The following FGF14 variants were observed in gnomAD, a reference collection of about 807,000 sequenced individuals.
FGF14 encodes the protein fibroblast growth factor 14, also known as fibroblast growth factor homologous factor 4.
In FGF14, 5 loss-of-function variants were observed where a neutral mutation model predicts 25.5. The ratio of observed to expected loss-of-function variants is 0.20; its 90% confidence interval spans 0.10 to 0.41. FGF14 has a LOEUF of 0.41. Ranked by LOEUF, FGF14 falls within the 10% of genes least tolerant of loss-of-function variation. The probability of loss-of-function intolerance (pLI) is 1.00; values close to 1 mark genes in which losing one functional copy is unlikely to be tolerated. For synonymous variants in FGF14, 138 were observed against 118.3 expected, an observed-to-expected ratio of 1.17 and a Z score of -1.08; for missense variants, 222 against 320.1, an observed-to-expected ratio of 0.69 and a Z score of 2.34.
In FGF14 at chr13:102,249,920, G is replaced by GA. The variant is rs558975117; in HGVS notation, c.208+151550dup. Reference sequence around the variant, plus strand: ...ACCAATTACCATGGGCTGGGAGGGAGAAGGACTGGCTATGCTCTCTGACAG... The same window carrying GA: ...ACCAATTACCATGGGCTGGGAGGGAGAAAGGACTGGCTATGCTCTCTGACAG... On this transcript the variant is annotated intron_variant, in intron 1 of 4. Coordinates refer to the FGF14 transcript ENST00000376131. 7.9e-4 allele frequency among the ~76,000 whole-genome samples: 120 copies of GA among 152,290 alleles called. 1 individual carries two copies. In the South Asian group the frequency reaches 0.015, roughly 19 times the overall value.
intron 1 of FGF14, among the ~76,000 whole-genome samples, chr13:102,056,703 A>T (rs892544349): frequency 1.3e-5 from 2 of 151,730 alleles, no homozygotes; most frequent in Non-Finnish European, 2.9e-5. Flanking sequence ...AAAGAACATG[A>T]GAATCAGGAT....
At chr13:101,782,595 G>A (rs1282607627) in intron 3 of FGF14, among the ~76,000 whole-genome samples, 2 of 152,140 alleles carry the variant, frequency 1.3e-5, no homozygotes, top group African/African-American at 2.4e-5. Context: ...GTGTCCATGA[G>A]TTCTCATCAT....
In FGF14 at chr13:101,888,425, TA is replaced by T. The variant is rs2046102161; in HGVS notation, c.194-13130del. Among the ~76,000 whole-genome samples the T allele has an allele frequency of 2.0e-5, 3 of 152,180 alleles. No homozygotes were observed. In the South Asian group the frequency reaches 6.2e-4, roughly 31 times the overall value. On this transcript the variant is annotated intron_variant, in intron 1 of 4. Coordinates refer to ENST00000376143, the MANE Select transcript of FGF14 (RefSeq NM_004115.4). ...GTAGCATTTTCTGTGTGCATATACATACACATAAATATATACATGAATGTGT... is the reference window on the plus strand; with the variant it reads ...GTAGCATTTTCTGTGTGCATATACATCACATAAATATATACATGAATGTGT...
rs186604485 is a variant in FGF14 at position 102,175,868 on chromosome 13, T to C, written c.208+225603A>G. 3.7e-3 allele frequency among the ~76,000 whole-genome samples: 563 copies of C among 152,142 alleles called. 2 individuals carry two copies. The highest frequency in any genetic ancestry group is 6.1e-3 in the Non-Finnish European group (415 of 68,000). On this transcript the variant is annotated intron_variant, in intron 1 of 4. Coordinates refer to the FGF14 transcript ENST00000376131. ...AATGCAAATTAAAACCACAATGAGA[T>C]ACCACCTCACACCAGTCAGAATGGC... is the stretch of plus-strand genomic sequence containing the variant.
chr13:102,359,240 T>C (rs1009848859), intron 1 of FGF14, among the ~76,000 whole-genome samples: 1 of 152,118 alleles, frequency 6.6e-6, no homozygotes, highest in African/African-American at 2.4e-5. Context: ...AGGTGATGGG[T>C]TGATAGATGC....
At chr13:101,766,808 T>C (rs994960566) in intron 3 of FGF14, among the ~76,000 whole-genome samples, 2 of 152,048 alleles carry the variant, frequency 1.3e-5, no homozygotes, top group Non-Finnish European at 2.9e-5. Context: ...GGGGACACCA[T>C]GTGAAGGCAG....
chr13:101,995,128 G>A (rs1050607012), intron 1 of FGF14, among the ~76,000 whole-genome samples: 4 of 152,104 alleles, frequency 2.6e-5, no homozygotes, highest in East Asian at 1.9e-4. Context: ...GTTATCAATC[G>A]TTATATGTAA....
intron 1 of FGF14, among the ~76,000 whole-genome samples, chr13:102,281,110 C>T (rs553171989): frequency 2.0e-5 from 3 of 152,270 alleles, no homozygotes; most frequent in East Asian, 3.9e-4. Context: ...AATATTTTCA[C>T]AAGGCCAAAC....
At chr13:102,249,364 AAAAC>A (rs1379678062) in intron 1 of FGF14, among the ~76,000 whole-genome samples, 3 of 152,208 alleles carry the variant, frequency 2.0e-5, no homozygotes, top group Admixed American at 6.5e-5. Flanking sequence ...AAGTGCTAAA[AAAAC>A]AAACAAACAA....
chr13:101,868,865 G>T (rs767955575), intron 2 of FGF14, 37 bp from the exon 3 acceptor site: 1 of 1,330,448 alleles, frequency 7.5e-7, no homozygotes. Flanking sequence ...GAATGGGCAG[G>T]AAGAAGCAGG....
chr13:102,048,106 A>T (rs2042070194), intron 1 of FGF14, among the ~76,000 whole-genome samples: 1 of 151,982 alleles, frequency 6.6e-6, no homozygotes, highest in Non-Finnish European at 1.5e-5. Context: ...CTATTCCATG[A>T]AACGACTTGC....
chr13:101,800,755 A>G (rs535458983), intron 3 of FGF14, among the ~76,000 whole-genome samples: 102 of 152,296 alleles, frequency 6.7e-4, no homozygotes, highest in African/African-American at 2.3e-3. Flanking sequence ...TGTTCTAGGG[A>G]GTTTTGGATA....
chr13:101,884,131 G>A (rs1182672777), intron 1 of FGF14, among the ~76,000 whole-genome samples: 1 of 144,102 alleles, frequency 6.9e-6, no homozygotes, highest in Non-Finnish European at 1.5e-5. Flanking sequence ...ATGTGTGCAA[G>A]AGCAACACAA....
At chr13:101,892,139 C>A (rs1418890838) in intron 1 of FGF14, among the ~76,000 whole-genome samples, 1 of 152,076 alleles carries the variant, frequency 6.6e-6, no homozygotes, top group East Asian at 1.9e-4. Flanking sequence ...GGGAATTGAA[C>A]ACAACACAAT....
At chr13:101,808,819 AT>A (rs1325282624) in intron 3 of FGF14, among the ~76,000 whole-genome samples, 21 of 152,152 alleles carry the variant, frequency 1.4e-4, no homozygotes, top group Admixed American at 3.9e-4. Context: ...ATATCTGTAA[AT>A]TATGTTACTT....
intron 1 of FGF14, among the ~76,000 whole-genome samples, chr13:101,978,557 A>C (rs1216913376): frequency 6.6e-6 from 1 of 152,240 alleles, no homozygotes; most frequent in Non-Finnish European, 1.5e-5. Flanking sequence ...ACAAAGAGAT[A>C]GCTTTAAATT....
At chr13:101,875,318 C>A (rs754041595) in intron 1 of FGF14, 22 bp from the exon 2 acceptor site, 44 of 1,500,698 alleles carry the variant, frequency 2.9e-5, no homozygotes, top group Non-Finnish European at 3.7e-5. Flanking sequence ...ACATAGTTAT[C>A]ATAAGCCTCA....
chr13:102,353,662 A>G (rs1566957021), intron 1 of FGF14, among the ~76,000 whole-genome samples: 1 of 152,142 alleles, frequency 6.6e-6, no homozygotes. Context: ...ACTTCAATCC[A>G]TCCTCACTTC....
At chr13:102,155,935 T>C (rs940388871) in intron 1 of FGF14, among the ~76,000 whole-genome samples, 2 of 152,120 alleles carry the variant, frequency 1.3e-5, no homozygotes, top group African/African-American at 4.8e-5. Flanking sequence ...CCTCGACACA[T>C]ACACTCTCCC....
Sources: gnomAD v4.1 joint callset for allele counts (sites outside exome capture counted in the v4.1 genomes callset) on GRCh38, gnomAD v4.1.1 for gene constraint, MANE v1.5 for transcripts, NCBI Gene and HGNC (gene_info 2026-07-23, HGNC 2026-07-21) for gene names.